The following BNIP3 variants were observed in gnomAD, a reference collection of about 807,000 sequenced individuals.
BNIP3 encodes BCL2 interacting protein 3, also known as BCL2/adenovirus E1B 19 kDa protein-interacting protein 3.
Under a neutral mutation model 23.9 loss-of-function variants are expected in BNIP3, and 16 were observed. That is an observed-to-expected ratio of 0.67 (90% CI 0.45 to 1.01). The LOEUF (loss-of-function observed/expected upper bound fraction) is 1.01, where lower values mean the gene tolerates loss of function less well. Among genes scored for constraint, BNIP3 ranks in the 50% least tolerant of loss-of-function variants. The probability of loss-of-function intolerance (pLI) is 0.00; values close to 1 mark genes in which losing one functional copy is unlikely to be tolerated. For missense variants in BNIP3, 198 were observed against 248.7 expected, an observed-to-expected ratio of 0.80 and a Z score of 1.37; for synonymous variants, 81 against 89.3, an observed-to-expected ratio of 0.91 and a Z score of 0.53.
In BNIP3 at chr10:131,968,383, T is replaced by A; in HGVS notation, c.*141A>T. 2 of 696,576 alleles carry A rather than the reference T, an allele frequency of 2.9e-6. No homozygotes were observed. Among genetic ancestry groups the A allele is most frequent in the Non-Finnish European group, 4.8e-6 (2 of 414,590 alleles). 43.1% of individuals were successfully genotyped at this position (696,576 alleles called of 1,614,324 possible). A position where few individuals can be genotyped will look rare whatever the true frequency, so the allele number is the denominator to read the frequency against. On this transcript the variant is annotated 3_prime_UTR_variant, in exon 6 of 6. Coordinates refer to ENST00000368636, the MANE Select transcript of BNIP3 (RefSeq NM_004052.4). Reference sequence around the variant, plus strand: ...GATTTTAGTGTCTATTCTTTTATTTTACTAAATTAGGAACGCAGCATTTAC... The same window carrying A: ...GATTTTAGTGTCTATTCTTTTATTTAACTAAATTAGGAACGCAGCATTTAC...
chr10:131,969,370 T>G (rs2037000180), intron 5 of BNIP3: 1 of 152,108 alleles, frequency 6.6e-6, no homozygotes, highest in African/African-American at 2.4e-5. Flanking sequence ...CCCGAGGCCT[T>G]GCCCCCAGAG....
rs1018723958 is a variant in BNIP3, at chr10:131,975,287, G to C, written c.47-1344C>G. ...CATATAGGCACACGTCTATTTCTGG[G>C]CCCCAGATAATCTCTCTACTTTGTG... On this transcript the variant is annotated intron_variant, in intron 1 of 5. Coordinates refer to ENST00000368636, the MANE Select transcript of BNIP3 (RefSeq NM_004052.4). Among the ~76,000 whole-genome samples the C allele has an allele frequency of 2.6e-5, 4 of 152,158 alleles. 1 individual carries two copies. The highest frequency in any genetic ancestry group is 2.0e-4 in the Admixed American group (3 of 15,274).
At position 131,980,762 on chromosome 10, in the gene BNIP3, ACT is replaced by A. The variant is rs879394194; in HGVS notation, c.46+997_46+998del. 7 of 152,322 alleles carry A rather than the reference ACT, an allele frequency of 4.6e-5. No homozygotes were observed. In the South Asian group the frequency reaches 6.2e-4, roughly 14 times the overall value. The allele number at this position is 152,322 out of a possible 1,614,324, so 9.4% of individuals were successfully genotyped here. Reference sequence around the variant, plus strand: ...AACTCTCAATGAAGATTAAAAGTTCACTGTCAGAGGTTTCAGCAGTCCTTTCC... The same window carrying A: ...AACTCTCAATGAAGATTAAAAGTTCAGTCAGAGGTTTCAGCAGTCCTTTCC... On this transcript the variant is annotated intron_variant, in intron 1 of 5. Coordinates refer to ENST00000368636, the MANE Select transcript of BNIP3 (RefSeq NM_004052.4).
chr10:131,978,007 A>G (rs957445079), intron 1 of BNIP3, among the ~76,000 whole-genome samples: 5 of 152,336 alleles, frequency 3.3e-5, no homozygotes, highest in African/African-American at 1.2e-4. Flanking sequence ...ATGGGCTTAC[A>G]GTAAGGTTGC....
At chr10:131,971,492 TTA>T (rs1292059170) in intron 3 of BNIP3, 5 of 156,530 alleles carry the variant, frequency 3.2e-5, no homozygotes, top group African/African-American at 4.8e-5. Context: ...ATCCTCAGAA[TTA>T]TATAACAGCA....
At chr10:131,972,958 A>T (rs528771593) in intron 3 of BNIP3, 76 bp downstream of exon 3, 3 of 1,429,202 alleles carry the variant, frequency 2.1e-6, no homozygotes, top group Non-Finnish European at 2.0e-6. Context: ...TGAGGTGCTC[A>T]ATTACATTTA....
intron 1 of BNIP3, among the ~76,000 whole-genome samples, chr10:131,975,427 C>T (rs939992488): frequency 1.3e-5 from 2 of 152,098 alleles, no homozygotes; most frequent in Non-Finnish European, 2.9e-5. Flanking sequence ...AACTTATGGA[C>T]GAGAACAATG....
chr10:131,981,815 A>T lies in BNIP3; in HGVS notation c.-9T>A. ...GCTCCGTTCTGCGACATGGCGCCAGAGGGCAACTGCGGCGATCGGAGTCCG... is the reference window on the plus strand; with the variant it reads ...GCTCCGTTCTGCGACATGGCGCCAGTGGGCAACTGCGGCGATCGGAGTCCG... On this transcript the variant is annotated 5_prime_UTR_variant, in exon 1 of 6. Transcript: ENST00000368636. 6.8e-7 allele frequency: 1 copy of T among 1,471,200 alleles called. No individual in the cohort carries two copies. The allele number at this position is 1,471,200 out of a possible 1,614,324, so 91.1% of individuals were successfully genotyped here. A position where few individuals can be genotyped will look rare whatever the true frequency, so the allele number is the denominator to read the frequency against.
chr10:131,972,839 G>A (rs1248515522), intron 3 of BNIP3, among the ~76,000 whole-genome samples, 195 bp downstream of exon 3: 1 of 152,174 alleles, frequency 6.6e-6, no homozygotes, highest in Non-Finnish European at 1.5e-5. Flanking sequence ...TCAGCTGAGT[G>A]TCCAGCCCAT....
At chr10:131,972,985 A>G in intron 3 of BNIP3, 49 bp downstream of exon 3, 3 of 1,566,218 alleles carry the variant, frequency 1.9e-6, no homozygotes, top group Non-Finnish European at 2.6e-6. Flanking sequence ...TTTCCTGTAC[A>G]AACAGATCAC....
At chr10:131,969,492 TG>T (rs1162929994) in intron 5 of BNIP3, 4 of 152,028 alleles carry the variant, frequency 2.6e-5, no homozygotes, top group East Asian at 3.9e-4. Context: ...TGACGGGTTA[TG>T]GGGGGGACGT....
intron 1 of BNIP3, among the ~76,000 whole-genome samples, chr10:131,979,470 A>C (rs2037102531): frequency 6.6e-6 from 1 of 152,174 alleles, no homozygotes; most frequent in African/African-American, 2.4e-5. Context: ...CACTTTACTG[A>C]ACTGATGCCC....
chr10:131,970,981 G>T lies in BNIP3; in HGVS notation c.283-11C>A. 6.2e-7 allele frequency: 1 copy of T among 1,611,168 alleles called. No homozygotes were observed. Among genetic ancestry groups the T allele is most frequent in the Non-Finnish European group, 8.5e-7 (1 of 1,178,802 alleles). On this transcript the variant is annotated splice_polypyrimidine_tract_variant and intron_variant, in intron 3 of 5. Transcript: ENST00000368636. The surrounding 1 kb of genome is among the most constrained non-coding windows in gnomAD (Gnocchi z 4.1). ...ATCATCTTCCTCAGACTAAGATAAA[G>T]TCAATGTTAAAGGCAGATCAGTGTA... is the stretch of plus-strand genomic sequence containing the variant.
chr10:131,975,158 C>A (rs1201748710), intron 1 of BNIP3, among the ~76,000 whole-genome samples: 1 of 152,198 alleles, frequency 6.6e-6, no homozygotes, highest in African/African-American at 2.4e-5. Context: ...CCAAAATCTA[C>A]ATGGATTAAT....
At chr10:131,971,294 G>A in intron 3 of BNIP3, 1 of 343,708 alleles carries the variant, frequency 2.9e-6, no homozygotes, top group South Asian at 3.1e-5. Context: ...GAAGTCACGT[G>A]ACATGAGGGC....
rs2133689970 is a variant in BNIP3 at position 131,970,680 on chromosome 10, A to G, written c.497T>C (p.Leu166Pro). 1.9e-6 allele frequency: 3 copies of G among 1,614,222 alleles called. No homozygotes were observed. The Admixed American group carries it at 5.0e-5, about 27-fold the overall frequency. Residue 166 changes from leucine to proline, a missense_variant, in exon 5 of 6, where the codon CTT (leucine) becomes CCT (proline). By Grantham distance (98) the Leu-to-Pro change is moderately conservative. Coordinates refer to ENST00000368636, the MANE Select transcript of BNIP3 (RefSeq NM_004052.4). The surrounding 1 kb of genome is among the most constrained non-coding windows in gnomAD (Gnocchi z 4.1). ...CAAATGAGAGAGCAGCAGAGATGGA[A>G]GGAAAACTTTCAGAAATTCTGCAGA... ...IFSAEFLKVFLPSLLLSHLLA... is the reference protein window; with the variant it reads ...IFSAEFLKVFPPSLLLSHLLA...
intron 5 of BNIP3, 87 bp from the exon 6 acceptor site, chr10:131,968,656 T>C: frequency 1.6e-6 from 2 of 1,214,688 alleles, no homozygotes; most frequent in African/African-American, 1.5e-5. Context: ...TCACTGTGGT[T>C]AGAGCTTATG....
intron 1 of BNIP3, among the ~76,000 whole-genome samples, chr10:131,977,490 A>C (rs2037088489): frequency 1.3e-5 from 2 of 152,184 alleles, no homozygotes; most frequent in African/African-American, 4.8e-5. Flanking sequence ...TACGAACAGA[A>C]ACTGATCTCT....
At chr10:131,974,383 A>C (rs2037064397) in intron 1 of BNIP3, among the ~76,000 whole-genome samples, 1 of 152,186 alleles carries the variant, frequency 6.6e-6, no homozygotes, top group African/African-American at 2.4e-5. Context: ...AAAAGGTTTA[A>C]GCTCTATTTT....
Sources: gnomAD v4.1 joint callset for allele counts (sites outside exome capture counted in the v4.1 genomes callset) on GRCh38, gnomAD v4.1.1 for gene constraint, Gnocchi (gnomAD v3.1) non-coding constraint, MANE v1.5 for transcripts, NCBI Gene and HGNC (gene_info 2026-07-23, HGNC 2026-07-21) for gene names.